Variants in ZC3H4 observed in about 807,000 individuals in gnomAD.
ZC3H4 encodes zinc finger CCCH-type containing 4.
In ZC3H4, 13 loss-of-function variants were observed where a neutral mutation model predicts 108.3. The ratio of observed to expected loss-of-function variants is 0.12; its 90% CI spans 0.08 to 0.19. The LOEUF is 0.19. Ranked by LOEUF, ZC3H4 falls within the 10% of genes least tolerant of loss-of-function variation. The pLI, the probability that ZC3H4 is intolerant of heterozygous loss-of-function variation, is 1.00. For synonymous variants in ZC3H4, 917 were observed against 749.6 expected (o/e 1.22, Z -3.65); for missense variants, 1,734 against 1,838.8 (o/e 0.94, Z 1.04).
intron 2 of ZC3H4, among the ~76,000 whole-genome samples, 165 bp from the exon 3 acceptor site, chr19:47,094,773 T>G (rs960406817): frequency 6.6e-6 from 1 of 151,882 alleles, no homozygotes; most frequent in Non-Finnish European, 1.5e-5. Context: ...TCCCTTATCC[T>G]CCCCCTGAAA....
In ZC3H4 at chr19:47,093,083, G is replaced by A. The variant is rs1350049254; in HGVS notation, c.492+887C>T. On this transcript the variant is annotated intron_variant, in intron 4 of 14. Coordinates refer to ENST00000253048, the MANE Select transcript of ZC3H4 (RefSeq NM_015168.2). ...CACAAAAACTTGGCCGGGAGTGGTG[G>A]CGGGTGCCTGTAGTCCCAGCTACTC... Among the ~76,000 whole-genome samples the A allele has an allele frequency of 2.0e-5, 3 of 151,768 alleles. No individual in the cohort carries two copies. The East Asian group carries it at 5.8e-4, about 30-fold the overall frequency.
chr19:47,077,861 C>CAAAAA (rs767129835), intron 11 of ZC3H4, among the ~76,000 whole-genome samples: 3 of 72,298 alleles, frequency 4.1e-5, no homozygotes, highest in African/African-American at 4.1e-5. Context: ...CCGTCTCAAA[C>CAAAAA]AAAAAAAAAA....
chr19:47,086,661 C>T (rs967406739), intron 5 of ZC3H4, 123 bp from the exon 6 acceptor site: 2 of 1,425,134 alleles, frequency 1.4e-6, no homozygotes, highest in Non-Finnish European at 1.8e-6. Context: ...TTCTCCTCCT[C>T]CTCCTCCTCC....
intron 2 of ZC3H4, among the ~76,000 whole-genome samples, chr19:47,105,274 T>C (rs2057954005): frequency 4.6e-5 from 7 of 152,280 alleles, no homozygotes; most frequent in African/African-American, 1.4e-4. Flanking sequence ...CCACTGATGA[T>C]ATAAATGAAT....
At position 47,077,993 on chromosome 19, in the gene ZC3H4, A is replaced by C. The variant is rs923224533; in HGVS notation, c.1440+3520T>G. On this transcript the variant is annotated intron_variant, in intron 11 of 14. Coordinates refer to ENST00000253048, the MANE Select transcript of ZC3H4 (RefSeq NM_015168.2). ...GCTTTCAGAAAATATTGCTCTCTAC[A>C]GAATTTACTTTTAACGGACTCAAGT... Among the ~76,000 whole-genome samples the C allele has an allele frequency of 4.1e-4, 63 of 152,184 alleles. 1 individual carries two copies. Among genetic ancestry groups the C allele is most frequent in the Non-Finnish European group, 1.2e-4 (8 of 68,028 alleles).
intron 2 of ZC3H4, among the ~76,000 whole-genome samples, chr19:47,105,438 T>C (rs1000387021): frequency 1.3e-5 from 2 of 152,090 alleles, no homozygotes; most frequent in African/African-American, 4.8e-5. Context: ...CCATCTCTAC[T>C]AAAAACACAG....
At chr19:47,076,940 C>G (rs1472571547) in intron 11 of ZC3H4, among the ~76,000 whole-genome samples, 2 of 151,998 alleles carry the variant, frequency 1.3e-5, no homozygotes, top group Non-Finnish European at 2.9e-5. Flanking sequence ...CTACAGTGAG[C>G]CAAGGTTGCA....
chr19:47,088,414 G>A (rs747996921), intron 5 of ZC3H4, among the ~76,000 whole-genome samples: 1 of 152,060 alleles, frequency 6.6e-6, no homozygotes, highest in African/African-American at 2.4e-5. Flanking sequence ...CGGGCATGGT[G>A]GTAGGCGCCT....
intron 4 of ZC3H4, 73 bp from the exon 5 acceptor site, chr19:47,090,262 G>A: frequency 1.9e-6 from 3 of 1,546,194 alleles, no homozygotes; most frequent in Non-Finnish European, 2.7e-6. Flanking sequence ...AAGATACCCA[G>A]GGTTCCCTAA....
chr19:47,074,023 C>T (rs569724397), intron 11 of ZC3H4, among the ~76,000 whole-genome samples: 2 of 152,234 alleles, frequency 1.3e-5, no homozygotes, highest in South Asian at 4.2e-4. Context: ...GGGTAGCTTC[C>T]TGGCAGCTTC....
In ZC3H4 at chr19:47,092,555, G is replaced by A. The variant is rs552314721; in HGVS notation, c.492+1415C>T. Among the ~76,000 whole-genome samples, 7 of 151,328 alleles carry A rather than the reference G, an allele frequency of 4.6e-5. No individual in the cohort carries two copies. The South Asian group carries it at 6.3e-4, about 14-fold the overall frequency. On this transcript the variant is annotated intron_variant, in intron 4 of 14. Coordinates refer to ENST00000253048, the MANE Select transcript of ZC3H4 (RefSeq NM_015168.2). ...CAACCAGCCGGGCACGGTGGCTCTC[G>A]CCTGTAACCCTAGCACTGTGGGAGG...
Position 47,067,942 on chromosome 19 carries a change from GC to G in ZC3H4, c.2399-74del. ...ACCCGCCCTCTTGGATCCCACAGCA[GC>G]CCACCGTGAGCAGCTCCTTTGCTTG... On this transcript the variant is annotated intron_variant, in intron 14 of 14. Transcript: ENST00000253048. This position sits in a 1 kb window ranked among gnomAD's most constrained non-coding sequence, Gnocchi z 6.4. 1 of 1,415,984 alleles carries G rather than the reference GC, an allele frequency of 7.1e-7. No homozygotes were observed. Among genetic ancestry groups the G allele is most frequent in the Non-Finnish European group, 9.6e-7 (1 of 1,040,990 alleles). The allele number at this position is 1,415,984 out of a possible 1,614,324, so 87.7% of individuals were successfully genotyped here. A position where few individuals can be genotyped will look rare whatever the true frequency, so the allele number is the denominator to read the frequency against.
In ZC3H4 at chr19:47,064,586, G is replaced by T. The variant is rs778461185; in HGVS notation, c.*1770C>A. 6.7e-6 allele frequency: 1 copy of T among 149,000 alleles called. No individual in the cohort carries two copies. Among genetic ancestry groups the T allele is most frequent in the South Asian group, 2.1e-4 (1 of 4,788 alleles). 9.2% of individuals were successfully genotyped at this position (149,000 alleles called of 1,614,324 possible). On this transcript the variant is annotated 3_prime_UTR_variant, in exon 15 of 15. Transcript: ENST00000253048. Reference sequence around the variant, plus strand: ...TTTTACAAAAGAAAATTCTCAAAAGGAGAGGAAAAACAACAACAAAAACCA... The same window carrying T: ...TTTTACAAAAGAAAATTCTCAAAAGTAGAGGAAAAACAACAACAAAAACCA...
chr19:47,107,733 A>G (rs776284996), intron 2 of ZC3H4, among the ~76,000 whole-genome samples: 1 of 152,186 alleles, frequency 6.6e-6, no homozygotes, highest in Non-Finnish European at 1.5e-5. Context: ...ATTTTTGTCA[A>G]CAACTACTAA....
intron 11 of ZC3H4, among the ~76,000 whole-genome samples, chr19:47,076,138 C>T (rs1163563723): frequency 2.0e-5 from 3 of 152,190 alleles, no homozygotes; most frequent in Non-Finnish European, 2.9e-5. Flanking sequence ...GCTGTTGCCT[C>T]GAACTGGAAA....
intron 2 of ZC3H4, among the ~76,000 whole-genome samples, chr19:47,105,272 G>A (rs1278866246): frequency 1.3e-5 from 2 of 152,168 alleles, no homozygotes; most frequent in South Asian, 2.1e-4. Flanking sequence ...AGCCACTGAT[G>A]ATATAAATGA....
rs2057345749 is a variant in ZC3H4 at position 47,072,393 on chromosome 19, C to T, written c.1761G>A (p.Val587=). Reference sequence around the variant, plus strand: ...CAGCCAGCTGTCCCGTGGGCCGCACCACGATCTCAAACAAGGAGGGGATCT... The same window carrying T: ...CAGCCAGCTGTCCCGTGGGCCGCACTACGATCTCAAACAAGGAGGGGATCT... The part of the protein sequence containing the change: ...NKKIPSLFEI[V]VRPTGQLAEK... The change falls in exon 12 of 15, where the codon GTG becomes GTA. Residue 587 remains valine (V), a synonymous_variant. Transcript: ENST00000253048. The surrounding 1 kb of genome is among the most constrained non-coding windows in gnomAD (Gnocchi z 5.6). 6.2e-7 allele frequency: 1 copy of T among 1,613,278 alleles called. No homozygotes were observed. The highest frequency in any genetic ancestry group is 8.5e-7 in the Non-Finnish European group (1 of 1,179,802).
chr19:47,071,930 C>G lies in ZC3H4; in HGVS notation c.1994G>C (p.Gly665Ala). The change falls in exon 13 of 15, where the codon GGC (glycine) becomes GCC (alanine). Residue 665 changes from glycine to alanine, a missense_variant. Around this residue, in one of 9 missense-constraint regions of ZC3H4, gnomAD observed 540 missense variants for 484.1 expected, o/e 1.12. Coordinates refer to ENST00000253048, the MANE Select transcript of ZC3H4 (RefSeq NM_015168.2). ...GPGMNPGPPMGPGGPPMMPYG... is the reference protein window; with the variant it reads ...GPGMNPGPPMAPGGPPMMPYG... ...GGGCATCATTGGAGGGCCGCCAGGG[C>G]CCATGGGTGGGCCAGGATTCATGCC... 4 of 1,612,626 alleles carry G rather than the reference C, an allele frequency of 2.5e-6. No individual in the cohort carries two copies. Among genetic ancestry groups the G allele is most frequent in the Non-Finnish European group, 3.4e-6 (4 of 1,179,340 alleles).
chr19:47,102,262 A>G (rs1336463337), intron 2 of ZC3H4, among the ~76,000 whole-genome samples: 1 of 152,120 alleles, frequency 6.6e-6, no homozygotes, highest in Non-Finnish European at 1.5e-5. Context: ...TAAGTCCAGT[A>G]CTTTTGGATG....
Sources: gnomAD v4.1 joint callset for allele counts (sites outside exome capture counted in the v4.1 genomes callset) on GRCh38, gnomAD v4.1.1 for gene constraint, gnomAD v4.1.1 regional missense constraint, Gnocchi (gnomAD v3.1) non-coding constraint, MANE v1.5 for transcripts, NCBI Gene and HGNC (gene_info 2026-07-23, HGNC 2026-07-21) for gene names.